Variants in PDE5A observed in about 807,000 individuals in gnomAD.
PDE5A encodes cGMP-specific 3',5'-cyclic phosphodiesterase.
PDE5A carries 67 observed loss-of-function variants against 110.2 expected under a neutral mutation model. That is an observed-to-expected ratio of 0.61 (90% confidence interval 0.50 to 0.75). The LOEUF is 0.75. Ranked by LOEUF, PDE5A falls within the 30% of genes least tolerant of loss-of-function variation. The probability of loss-of-function intolerance (pLI) is 0.00; values close to 1 mark genes in which losing one functional copy is unlikely to be tolerated. For missense variants in PDE5A, 862 were observed against 1,045.1 expected (o/e 0.82, Z 2.42); for synonymous variants, 328 against 351.2 (o/e 0.93, Z 0.74).
intron 19 of PDE5A, among the ~76,000 whole-genome samples, chr4:119,501,887 C>T (rs139516350): frequency 6.6e-6 from 1 of 152,186 alleles, no homozygotes; most frequent in Non-Finnish European, 1.5e-5. Flanking sequence ...TGAGGTTTGG[C>T]GGTTTATCTA....
intron 11 of PDE5A, among the ~76,000 whole-genome samples, chr4:119,537,028 C>T (rs1433758476): frequency 6.6e-6 from 1 of 152,150 alleles, no homozygotes; most frequent in African/African-American, 2.4e-5. Flanking sequence ...TCTGTATCCT[C>T]TTGTTTGGGC....
At position 119,513,877 on chromosome 4, in the gene PDE5A, A is replaced by G. The variant is rs974156462; in HGVS notation, c.2001-2743T>C. Reference sequence around the variant, plus strand: ...AGAGAAAATTCTTGGCTTGAGATAGATGAATGCAAACTGTGTTTGCCTTTA... The same window carrying G: ...AGAGAAAATTCTTGGCTTGAGATAGGTGAATGCAAACTGTGTTTGCCTTTA... On this transcript the variant is annotated intron_variant, in intron 14 of 20. Coordinates refer to ENST00000354960, the MANE Select transcript of PDE5A (RefSeq NM_001083.4). Among the ~76,000 whole-genome samples, 3 of 152,220 alleles carry G rather than the reference A, an allele frequency of 2.0e-5. No homozygotes were observed. The East Asian group carries it at 5.8e-4, about 29-fold the overall frequency.
At chr4:119,502,477 GA>G (rs1387535968) in intron 19 of PDE5A, 103 bp downstream of exon 19, 1 of 646,862 alleles carries the variant, frequency 1.5e-6, no homozygotes, top group East Asian at 2.7e-5. Flanking sequence ...AATAAAATGA[GA>G]AATTGTGGTC....
chr4:119,562,601 G>A (rs560989684), intron 6 of PDE5A, among the ~76,000 whole-genome samples: 1 of 152,186 alleles, frequency 6.6e-6, no homozygotes, highest in East Asian at 1.9e-4. Flanking sequence ...TCAGGAGGTT[G>A]GGATGGGGAC....
intron 2 of PDE5A, among the ~76,000 whole-genome samples, chr4:119,600,237 T>A (rs1042567259): frequency 1.3e-5 from 2 of 152,076 alleles, no homozygotes; most frequent in South Asian, 4.1e-4. Flanking sequence ...TTTTGGAGAA[T>A]GAAACACCCA....
intron 11 of PDE5A, among the ~76,000 whole-genome samples, chr4:119,536,925 T>C (rs551576626): frequency 3.9e-5 from 6 of 152,170 alleles, no homozygotes; most frequent in African/African-American, 1.4e-4. Flanking sequence ...ATCATTTAGG[T>C]TGTGGATTCA....
Position 119,627,200 on chromosome 4 carries a change from G to T in PDE5A, c.152+1320C>A, listed in dbSNP as rs749444433. The T allele has an allele frequency of 9.3e-6, 15 of 1,612,496 alleles. No individual in the cohort carries two copies. In the Admixed American group the frequency reaches 2.2e-4, roughly 23 times the overall value. Reference sequence around the variant, plus strand: ...TAGCAAACGTGGGAAGTTCGTTTTCGAACTCCGCCGATCCTGGACTCCAGG... The same window carrying T: ...TAGCAAACGTGGGAAGTTCGTTTTCTAACTCCGCCGATCCTGGACTCCAGG... On this transcript the variant is annotated intron_variant, in intron 1 of 20. Coordinates refer to ENST00000354960, the MANE Select transcript of PDE5A (RefSeq NM_001083.4). This position sits in a 1 kb window ranked among gnomAD's most constrained non-coding sequence, Gnocchi z 4.6.
intron 7 of PDE5A, among the ~76,000 whole-genome samples, chr4:119,558,172 C>G (rs575439103): frequency 6.6e-6 from 1 of 152,256 alleles, no homozygotes; most frequent in South Asian, 2.1e-4. Flanking sequence ...ATGAGCCTCC[C>G]TTTGGAAATT....
At chr4:119,574,937 C>T (rs1267568513) in intron 3 of PDE5A, among the ~76,000 whole-genome samples, 1 of 151,982 alleles carries the variant, frequency 6.6e-6, no homozygotes, top group Non-Finnish European at 1.5e-5. Context: ...TCAAATTGTT[C>T]ATTAAGATCT....
intron 3 of PDE5A, chr4:119,569,777 A>T (rs190803710): frequency 6.6e-6 from 1 of 152,648 alleles, no homozygotes; most frequent in Non-Finnish European, 1.5e-5. Context: ...GGTCACTGTG[A>T]CAAGGGGCAC....
At chr4:119,513,634 T>A (rs1186918996) in intron 14 of PDE5A, among the ~76,000 whole-genome samples, 1 of 152,146 alleles carries the variant, frequency 6.6e-6, no homozygotes, top group African/African-American at 2.4e-5. Flanking sequence ...GTGCTCAAGG[T>A]TGATATAAAT....
intron 7 of PDE5A, among the ~76,000 whole-genome samples, chr4:119,557,845 A>AT (rs1185568840): frequency 6.6e-6 from 1 of 152,148 alleles, no homozygotes; most frequent in Non-Finnish European, 1.5e-5. Flanking sequence ...TGTATCCACA[A>AT]TTTTTTAAAG....
At chr4:119,613,664 G>A (rs1419459451) in intron 1 of PDE5A, among the ~76,000 whole-genome samples, 1 of 151,974 alleles carries the variant, frequency 6.6e-6, no homozygotes, top group East Asian at 1.9e-4. Context: ...GTTCTGACTG[G>A]GTAATCACTT....
intron 1 of PDE5A, among the ~76,000 whole-genome samples, chr4:119,609,031 G>A (rs184919754): frequency 8.0e-4 from 121 of 151,992 alleles, no homozygotes; most frequent in Non-Finnish European, 1.3e-3. Flanking sequence ...GCTTGGTGGC[G>A]GGCGCCTGTA....
chr4:119,569,260 T>TA (rs1399481379), intron 3 of PDE5A, among the ~76,000 whole-genome samples: 2 of 152,076 alleles, frequency 1.3e-5, no homozygotes. Context: ...CTGGTCTCAC[T>TA]ATGCCCTGCA....
intron 1 of PDE5A, among the ~76,000 whole-genome samples, chr4:119,625,229 C>T (rs543339825): frequency 2.0e-5 from 3 of 152,114 alleles, no homozygotes; most frequent in Non-Finnish European, 4.4e-5. Flanking sequence ...GAACTCCTGA[C>T]GTCGTGATCT....
chr4:119,559,498 G>A (rs374537810), intron 7 of PDE5A, among the ~76,000 whole-genome samples: 1 of 152,028 alleles, frequency 6.6e-6, no homozygotes, highest in East Asian at 1.9e-4. Context: ...TTCTATTTAT[G>A]TATAGGAACT....
At chr4:119,529,004 A>C (rs1155576) in intron 11 of PDE5A, among the ~76,000 whole-genome samples, 44,581 of 151,960 alleles carry the variant, frequency 0.29, 6,578 homozygotes, top group East Asian at 0.38. Flanking sequence ...AATGGAGGAC[A>C]CTAGCCTCTA....
chr4:119,582,439 C>T (rs1728619749), intron 3 of PDE5A, among the ~76,000 whole-genome samples: 3 of 152,180 alleles, frequency 2.0e-5, no homozygotes, highest in African/African-American at 4.8e-5. Flanking sequence ...ATGTCTCAAA[C>T]CCTTCAAAGT....
Sources: allele counts gnomAD v4.1 joint callset (sites outside exome capture counted in the v4.1 genomes callset), GRCh38; gene constraint gnomAD v4.1.1; non-coding constraint Gnocchi (gnomAD v3.1); transcripts MANE v1.5; gene names NCBI Gene and HGNC (gene_info 2026-07-23, HGNC 2026-07-21).